The following CFAP299 variants were observed in gnomAD, a reference collection of about 807,000 sequenced individuals.
The protein encoded by CFAP299 is cilia- and flagella-associated protein 299.
Under a neutral mutation model 27.0 loss-of-function variants are expected in CFAP299, and 21 were observed. That is an observed-to-expected ratio of 0.78 (90% CI 0.55 to 1.12). The LOEUF (loss-of-function observed/expected upper bound fraction) is 1.12, where lower values mean the gene tolerates loss of function less well. CFAP299 is among the 50% of genes most tolerant of loss of function. The probability of loss-of-function intolerance (pLI) is 0.00; values close to 1 mark genes in which losing one functional copy is unlikely to be tolerated. For synonymous variants in CFAP299, 104 were observed against 98.1 expected (o/e 1.06, Z -0.36); for missense variants, 310 against 276.6 (o/e 1.12, Z -0.86).
At chr4:80,787,727 G>T (rs193049724) in intron 3 of CFAP299, among the ~76,000 whole-genome samples, 1 of 151,908 alleles carries the variant, frequency 6.6e-6, no homozygotes, top group East Asian at 1.9e-4. Context: ...AAGGCATATG[G>T]GTAGACTACA....
chr4:80,535,690 T>C (rs560146939), intron 2 of CFAP299, among the ~76,000 whole-genome samples: 1 of 152,288 alleles, frequency 6.6e-6, no homozygotes, highest in South Asian at 2.1e-4. Flanking sequence ...ATAAATTTAC[T>C]AGCTTGGCAG....
At chr4:80,829,029 G>A (rs1311243961) in intron 3 of CFAP299, among the ~76,000 whole-genome samples, 1 of 151,880 alleles carries the variant, frequency 6.6e-6, no homozygotes, top group Non-Finnish European at 1.5e-5. Context: ...ATTTGCAATG[G>A]AGAAAATATG....
At chr4:80,690,127 A>G (rs1265937870) in intron 3 of CFAP299, among the ~76,000 whole-genome samples, 1 of 149,498 alleles carries the variant, frequency 6.7e-6, no homozygotes, top group South Asian at 2.1e-4. Flanking sequence ...AACATTAGGC[A>G]GATCAACGAG....
At chr4:80,941,252 T>C (rs969413910) in intron 4 of CFAP299, among the ~76,000 whole-genome samples, 4 of 152,226 alleles carry the variant, frequency 2.6e-5, no homozygotes, top group African/African-American at 9.6e-5. Context: ...CGGGTTTTTA[T>C]TTCATATCTG....
intron 3 of CFAP299, among the ~76,000 whole-genome samples, chr4:80,806,073 AAGAG>A (rs372618751): frequency 8.5e-4 from 130 of 152,284 alleles, no homozygotes; most frequent in African/African-American, 2.9e-3. Flanking sequence ...AATAGCAACT[AAGAG>A]AGATTGTGAA....
chr4:80,766,025 TA>T, intron 3 of CFAP299, among the ~76,000 whole-genome samples: 1 of 152,206 alleles, frequency 6.6e-6, no homozygotes, highest in Admixed American at 6.5e-5. Context: ...AAATGATAGC[TA>T]AACATTTTCT....
chr4:80,340,460 G>A (rs1258165219), intron 1 of CFAP299, among the ~76,000 whole-genome samples: 1 of 152,140 alleles, frequency 6.6e-6, no homozygotes, highest in African/African-American at 2.4e-5. Flanking sequence ...CTGACAAGGT[G>A]GGAGTTTCAT....
intron 3 of CFAP299, among the ~76,000 whole-genome samples, chr4:80,586,780 A>G (rs1286309016): frequency 6.6e-6 from 1 of 152,236 alleles, no homozygotes; most frequent in South Asian, 2.1e-4. Context: ...CATGAAGATT[A>G]TAATGAGAGG....
intron 3 of CFAP299, among the ~76,000 whole-genome samples, chr4:80,699,869 AAGTTTCTATTGTG>A (rs1721361157): frequency 6.6e-6 from 1 of 152,114 alleles, no homozygotes; most frequent in Non-Finnish European, 1.5e-5. Flanking sequence ...CATTCAGCTT[AAGTTTCTATTGTG>A]AATATCGTTG....
chr4:80,754,778 T>C (rs555821324), intron 3 of CFAP299, among the ~76,000 whole-genome samples: 10 of 152,244 alleles, frequency 6.6e-5, no homozygotes, highest in Non-Finnish European at 1.3e-4. Flanking sequence ...CAAGGGTTCA[T>C]TGGTACCTGC....
At position 80,583,914 on chromosome 4, in the gene CFAP299, A is replaced by T. The variant is rs905840736; in HGVS notation, c.333+731A>T. On this transcript the variant is annotated intron_variant, in intron 3 of 5. Transcript: ENST00000358105. Reference sequence around the variant, plus strand: ...ATAAAAAATTTAGAGCAACAGAAAAATATGTATATAAGGAGATCTATTCTA... The same window carrying T: ...ATAAAAAATTTAGAGCAACAGAAAATTATGTATATAAGGAGATCTATTCTA... 2.0e-5 allele frequency among the ~76,000 whole-genome samples: 3 copies of T among 152,080 alleles called. No individual in the cohort carries two copies. In the South Asian group the frequency reaches 6.2e-4, roughly 31 times the overall value.
chr4:80,884,006 C>G (rs1733848017), intron 4 of CFAP299, among the ~76,000 whole-genome samples: 1 of 152,208 alleles, frequency 6.6e-6, no homozygotes, highest in African/African-American at 2.4e-5. Context: ...TTCTGATCCT[C>G]TCCCTTTTCC....
intron 3 of CFAP299, among the ~76,000 whole-genome samples, chr4:80,639,990 G>T (rs1049655020): frequency 3.3e-5 from 5 of 152,074 alleles, no homozygotes; most frequent in African/African-American, 1.2e-4. Flanking sequence ...ATGTTTTAAT[G>T]GGCATGGAGT....
intron 2 of CFAP299, among the ~76,000 whole-genome samples, chr4:80,479,781 T>C (rs1171674672): frequency 6.6e-6 from 1 of 152,016 alleles, no homozygotes; most frequent in Non-Finnish European, 1.5e-5. Context: ...AAGAAACTTG[T>C]TTCGTTCAAT....
chr4:80,871,917 G>A (rs1381794452), intron 4 of CFAP299: 1 of 150,074 alleles, frequency 6.7e-6, no homozygotes, highest in East Asian at 1.9e-4. Context: ...CAAAATTCAA[G>A]TGATTTTGTG....
chr4:80,513,965 G>A (rs1044954980), intron 2 of CFAP299, among the ~76,000 whole-genome samples: 1 of 152,076 alleles, frequency 6.6e-6, no homozygotes, highest in African/African-American at 2.4e-5. Context: ...ATGGAGGGAA[G>A]AGAACCAAAA....
intron 4 of CFAP299, among the ~76,000 whole-genome samples, chr4:80,894,038 A>T (rs78056936): frequency 0.067 from 10,066 of 151,164 alleles, 694 homozygotes; most frequent in African/African-American, 0.16. Context: ...TAACCCAATT[A>T]AAAAAAAATG....
chr4:80,864,638 A>G (rs1732612684), intron 3 of CFAP299, among the ~76,000 whole-genome samples: 1 of 151,238 alleles, frequency 6.6e-6, no homozygotes, highest in Admixed American at 6.6e-5. Flanking sequence ...TTAAGAAAGA[A>G]ACTGAACCAT....
intron 3 of CFAP299, among the ~76,000 whole-genome samples, chr4:80,754,437 C>T (rs775722349): frequency 1.3e-5 from 2 of 152,006 alleles, no homozygotes; most frequent in Non-Finnish European, 2.9e-5. Context: ...TTGATTAAGC[C>T]TTGGTCTTAG....
Sources: gnomAD v4.1 joint callset for allele counts (sites outside exome capture counted in the v4.1 genomes callset) on GRCh38, gnomAD v4.1.1 for gene constraint, MANE v1.5 for transcripts, NCBI Gene and HGNC (gene_info 2026-07-23, HGNC 2026-07-21) for gene names.